Variants in PDE7B observed in about 807,000 individuals in gnomAD.
The protein encoded by PDE7B is 3',5'-cyclic-AMP phosphodiesterase 7B.
Under a neutral mutation model 56.2 loss-of-function variants are expected in PDE7B, and 29 were observed. The observed-to-expected ratio is 0.52, with a 90% confidence interval of 0.38 to 0.70. The LOEUF is 0.70. Ranked by LOEUF, PDE7B falls within the 30% of genes least tolerant of loss-of-function variation. The probability of loss-of-function intolerance (pLI) is 0.00; values close to 1 mark genes in which losing one functional copy is unlikely to be tolerated. For missense variants in PDE7B, 490 were observed against 565.0 expected (o/e 0.87, Z 1.35); for synonymous variants, 197 against 196.9 (o/e 1.00, Z 0.00).
rs1562519414 is a variant in PDE7B at position 136,194,008 on chromosome 6, A to G, written c.*2168A>G. 1.3e-5 allele frequency: 2 copies of G among 152,050 alleles called. No individual in the cohort carries two copies. The highest frequency in any genetic ancestry group is 6.6e-5 in the Admixed American group (1 of 15,262). 9.4% of individuals were successfully genotyped at this position (152,050 alleles called of 1,614,324 possible). A position where few individuals can be genotyped will look rare whatever the true frequency, so the allele number is the denominator to read the frequency against. The stretch of plus-strand genomic sequence containing the variant: ...TTTCTGTAAAACTGTGAACTGATAT[A>G]TTTTCCTTTATCACTTTAGTATTCT... On this transcript the variant is annotated 3_prime_UTR_variant, in exon 13 of 13. Coordinates refer to ENST00000308191, the MANE Select transcript of PDE7B (RefSeq NM_018945.4).
chr6:136,107,153 G>T (rs1277133293), intron 2 of PDE7B, among the ~76,000 whole-genome samples: 1 of 152,168 alleles, frequency 6.6e-6, no homozygotes, highest in Non-Finnish European at 1.5e-5. Flanking sequence ...CATATCAGTT[G>T]CATGAGTTGC....
At chr6:136,190,559 C>T (rs1280924110) in intron 12 of PDE7B, among the ~76,000 whole-genome samples, 2 of 152,212 alleles carry the variant, frequency 1.3e-5, no homozygotes, top group Non-Finnish European at 2.9e-5. Flanking sequence ...CACAGCTACA[C>T]ATCAAGGAAA....
chr6:135,912,921 C>T (rs896172938), intron 1 of PDE7B, among the ~76,000 whole-genome samples: 3 of 152,112 alleles, frequency 2.0e-5, no homozygotes, highest in African/African-American at 7.2e-5. Flanking sequence ...ATCAACCATC[C>T]TGTCTGCCCT....
chr6:135,884,533 G>T (rs9321540), intron 1 of PDE7B, among the ~76,000 whole-genome samples: 1 of 151,972 alleles, frequency 6.6e-6, no homozygotes, highest in South Asian at 2.1e-4. Context: ...CTCTATCCTG[G>T]TCCCAGTACT....
chr6:135,953,066 T>TA (rs770434483), intron 2 of PDE7B, among the ~76,000 whole-genome samples: 1 of 152,158 alleles, frequency 6.6e-6, no homozygotes, highest in Non-Finnish European at 1.5e-5. Context: ...TGATTTTTTT[T>TA]AAAAACATGT....
intron 2 of PDE7B, among the ~76,000 whole-genome samples, chr6:136,060,980 G>A (rs2128212569): frequency 6.6e-6 from 1 of 152,294 alleles, no homozygotes; most frequent in Admixed American, 6.5e-5. Context: ...CATGCATAGT[G>A]ACTGTTGTGT....
At chr6:136,171,652 T>A (rs1401081423) in intron 8 of PDE7B, among the ~76,000 whole-genome samples, 1 of 152,176 alleles carries the variant, frequency 6.6e-6, no homozygotes, top group Admixed American at 6.5e-5. Context: ...TTATTATTAT[T>A]ATACTTTAAG....
intron 2 of PDE7B, among the ~76,000 whole-genome samples, chr6:136,024,988 A>T (rs115600112): frequency 0.011 from 1,600 of 152,248 alleles, 28 homozygotes; most frequent in African/African-American, 0.035. Context: ...CTCTTGGGGG[A>T]AAACGTGACT....
intron 1 of PDE7B, among the ~76,000 whole-genome samples, chr6:135,878,528 C>A (rs1049121167): frequency 1.3e-5 from 2 of 152,084 alleles, no homozygotes; most frequent in Non-Finnish European, 2.9e-5. Context: ...CTACAGATGT[C>A]GCTATTACAA....
chr6:135,943,004 A>G (rs949467697), intron 1 of PDE7B, among the ~76,000 whole-genome samples: 1 of 152,168 alleles, frequency 6.6e-6, no homozygotes, highest in Non-Finnish European at 1.5e-5. Context: ...TAAAAGTCCA[A>G]TTTTAGATTT....
chr6:136,127,352 T>C (rs1345452642), intron 3 of PDE7B, among the ~76,000 whole-genome samples: 2 of 152,130 alleles, frequency 1.3e-5, no homozygotes, highest in African/African-American at 2.4e-5. Flanking sequence ...TAAATCCCAA[T>C]AGCACTCAAG....
chr6:136,073,018 T>C (rs115872911), intron 2 of PDE7B, among the ~76,000 whole-genome samples: 2,594 of 152,164 alleles, frequency 0.017, 71 homozygotes, highest in African/African-American at 0.055. Flanking sequence ...CCCAGGGAGT[T>C]GTGTTGCTTG....
intron 2 of PDE7B, among the ~76,000 whole-genome samples, chr6:136,014,768 C>T (rs1391661583): frequency 1.3e-5 from 2 of 152,090 alleles, no homozygotes; most frequent in African/African-American, 2.4e-5. Flanking sequence ...TGATTTGTAC[C>T]TCTATTCAAA....
rs111552282 is a variant in PDE7B at position 136,126,432 on chromosome 6, TC to T, written c.166+17620del. Among the ~76,000 whole-genome samples, 226 of 152,332 alleles carry T rather than the reference TC, an allele frequency of 1.5e-3. 2 individuals carry two copies. The highest frequency in any genetic ancestry group is 4.0e-3 in the African/African-American group (167 of 41,566). ...AACTAAAAGTAGAATGACCATTTGA[TC>T]CAGCAATCCCACTCCTGGGTATCTA... is the stretch of plus-strand genomic sequence containing the variant. On this transcript the variant is annotated intron_variant, in intron 3 of 12. Coordinates refer to ENST00000308191, the MANE Select transcript of PDE7B (RefSeq NM_018945.4).
chr6:135,952,202 A>C (rs1583791612), intron 2 of PDE7B, among the ~76,000 whole-genome samples: 2 of 152,320 alleles, frequency 1.3e-5, no homozygotes, highest in East Asian at 3.9e-4. Flanking sequence ...AAGTTGATGC[A>C]TAAATGATAA....
chr6:135,886,040 T>G (rs1775702926), intron 1 of PDE7B, among the ~76,000 whole-genome samples: 1 of 152,196 alleles, frequency 6.6e-6, no homozygotes, highest in African/African-American at 2.4e-5. Context: ...GCTAGTTTCT[T>G]GCCTAACCTA....
At chr6:136,024,971 GT>G in intron 2 of PDE7B, among the ~76,000 whole-genome samples, 1 of 152,242 alleles carries the variant, frequency 6.6e-6, no homozygotes. Context: ...TTATTTGCAC[GT>G]TTGTGCTCTT....
intron 2 of PDE7B, among the ~76,000 whole-genome samples, chr6:136,053,155 C>A (rs1219279187): frequency 3.3e-5 from 5 of 151,376 alleles, no homozygotes; most frequent in African/African-American, 1.2e-4. Flanking sequence ...GTGTGCTGCA[C>A]CCATTAACTC....
rs576435043 is a variant in PDE7B at position 135,922,190 on chromosome 6, C to T, written c.22-25274C>T. ...TCAAGATCTCTCAAGCCTTTATTTC[C>T]TCACATACAACTCTGGGTAAGGTAA... On this transcript the variant is annotated intron_variant, in intron 1 of 12. Coordinates refer to ENST00000308191, the MANE Select transcript of PDE7B (RefSeq NM_018945.4). Among the ~76,000 whole-genome samples the T allele has an allele frequency of 2.0e-5, 3 of 152,244 alleles. No homozygotes were observed. In the East Asian group the frequency reaches 5.8e-4, roughly 29 times the overall value.
Sources: allele counts gnomAD v4.1 joint callset (sites outside exome capture counted in the v4.1 genomes callset), GRCh38; gene constraint gnomAD v4.1.1; transcripts MANE v1.5; gene names NCBI Gene and HGNC (gene_info 2026-07-23, HGNC 2026-07-21).